PTPRD: variants seen among roughly 807,000 people sequenced by gnomAD.
The protein encoded by PTPRD is protein tyrosine phosphatase receptor type D, also known as receptor-type tyrosine-protein phosphatase delta.
A neutral mutation model predicts 214.5 loss-of-function variants in PTPRD; 34 were observed. That is an observed-to-expected ratio of 0.16 (90% CI 0.12 to 0.21). The LOEUF (loss-of-function observed/expected upper bound fraction) is 0.21. Ranked by LOEUF, PTPRD falls within the 10% of genes least tolerant of loss-of-function variation. The probability of loss-of-function intolerance (pLI) is 1.00; values close to 1 mark genes in which losing one functional copy is unlikely to be tolerated. For missense variants in PTPRD, 2,545 were observed against 2,398.7 expected (o/e 1.06, Z -1.27); for synonymous variants, 1,128 against 845.7 (o/e 1.33, Z -5.79).
At chr9:9,792,734 G>A (rs1435791539) in intron 5 of PTPRD, among the ~76,000 whole-genome samples, 1 of 152,096 alleles carries the variant, frequency 6.6e-6, no homozygotes, top group Non-Finnish European at 1.5e-5. Flanking sequence ...AATGGCCCCA[G>A]TAAATGTTTA....
chr9:8,782,332 A>C (rs2095747837), intron 11 of PTPRD, among the ~76,000 whole-genome samples: 1 of 152,094 alleles, frequency 6.6e-6, no homozygotes, highest in Admixed American at 6.5e-5. Flanking sequence ...AACTGTAGTC[A>C]ACAACTTTTT....
At chr9:9,058,295 G>C (rs1373401416) in intron 10 of PTPRD, among the ~76,000 whole-genome samples, 1 of 152,048 alleles carries the variant, frequency 6.6e-6, no homozygotes, top group Non-Finnish European at 1.5e-5. Context: ...CACAACCCAT[G>C]AAGCATAAAA....
chr9:9,005,844 G>A lies in PTPRD; in HGVS notation c.-104+12853C>T, dbSNP rs116118020. On this transcript the variant is annotated intron_variant, in intron 11 of 45. Coordinates refer to ENST00000381196, the MANE Select transcript of PTPRD (RefSeq NM_002839.4). ...AGACTTATACTCTGATTGTTCAGTG[G>A]CTGGGCTACTATTCTAGACCAGTTA... is the stretch of plus-strand genomic sequence containing the variant. 4.6e-3 allele frequency among the ~76,000 whole-genome samples: 706 copies of A among 152,030 alleles called. 13 individuals are homozygous for A. Among genetic ancestry groups the A allele is most frequent in the African/African-American group, 0.016 (680 of 41,494 alleles).
chr9:8,688,909 T>G (rs2097749326), intron 12 of PTPRD, among the ~76,000 whole-genome samples: 1 of 152,218 alleles, frequency 6.6e-6, no homozygotes, highest in Admixed American at 6.5e-5. Context: ...TAAACATCTA[T>G]GCCTGTATTC....
intron 3 of PTPRD, among the ~76,000 whole-genome samples, chr9:10,123,788 CT>C (rs376757070): frequency 7.9e-5 from 12 of 152,312 alleles, no homozygotes; most frequent in African/African-American, 2.9e-4. Context: ...ATTGCCAGTA[CT>C]GTGTTTTAGT....
chr9:10,557,241 T>G (rs1421985592), intron 2 of PTPRD, among the ~76,000 whole-genome samples: 5 of 152,084 alleles, frequency 3.3e-5, no homozygotes. Context: ...GTTTTCTGCT[T>G]CTCTTTTTCT....
intron 35 of PTPRD, among the ~76,000 whole-genome samples, chr9:8,420,818 T>TAA (rs372270704): frequency 2.6e-4 from 38 of 147,362 alleles, no homozygotes; most frequent in Admixed American, 4.0e-4. Flanking sequence ...TTTTTTTTTT[T>TAA]AAAAAAAGAA....
intron 11 of PTPRD, among the ~76,000 whole-genome samples, chr9:8,738,137 G>T (rs1051829055): frequency 6.6e-6 from 1 of 152,146 alleles, no homozygotes; most frequent in Non-Finnish European, 1.5e-5. Flanking sequence ...CTGTACATGG[G>T]TGGTTGGAGA....
intron 4 of PTPRD, among the ~76,000 whole-genome samples, chr9:9,959,944 G>A (rs997781364): frequency 2.0e-5 from 3 of 152,110 alleles, no homozygotes. Context: ...CTATACATGG[G>A]TTATGATTAA....
chr9:9,847,433 C>T lies in PTPRD; in HGVS notation c.-367-80582G>A, dbSNP rs972955358. On this transcript the variant is annotated intron_variant, in intron 5 of 45. Transcript: ENST00000381196. ...TTATACAATTGATGCTATATTTTTC[C>T]GAGAAATGACTTAAATGACTGATTA... Among the ~76,000 whole-genome samples, 46 of 151,906 alleles carry T rather than the reference C, an allele frequency of 3.0e-4. 1 individual carries two copies. The highest frequency in any genetic ancestry group is 1.9e-4 in the East Asian group (1 of 5,182).
intron 43 of PTPRD, among the ~76,000 whole-genome samples, chr9:8,337,098 G>A (rs967648847): frequency 3.3e-5 from 5 of 152,178 alleles, no homozygotes; most frequent in African/African-American, 1.2e-4. Flanking sequence ...CCATTACTGA[G>A]TGTATACCCA....
intron 31 of PTPRD, among the ~76,000 whole-genome samples, chr9:8,466,444 T>A (rs990876841): frequency 6.6e-6 from 1 of 151,946 alleles, no homozygotes; most frequent in Non-Finnish European, 1.5e-5. Flanking sequence ...AGATGCTTCA[T>A]GTATTTCTAA....
rs1467119647 is a variant in PTPRD at position 10,166,251 on chromosome 9, A to G, written c.-544-132461T>C. ...AAAGGGACTGAAAAATTGAAAAAAA[A>G]AAAAAACAAAACACTCACACTGTGA... On this transcript the variant is annotated intron_variant, in intron 3 of 45. Transcript: ENST00000381196. Among the ~76,000 whole-genome samples, 4 of 150,422 alleles carry G rather than the reference A, an allele frequency of 2.7e-5. No homozygotes were observed. The East Asian group carries it at 7.8e-4, about 29-fold the overall frequency.
intron 36 of PTPRD, among the ~76,000 whole-genome samples, chr9:8,400,171 A>C (rs1366398418): frequency 1.3e-5 from 2 of 152,218 alleles, no homozygotes; most frequent in East Asian, 3.8e-4. Context: ...CAGTACTGGC[A>C]GCAGTGAAGA....
At chr9:9,037,625 T>A (rs324517) in intron 10 of PTPRD, among the ~76,000 whole-genome samples, 2 of 151,946 alleles carry the variant, frequency 1.3e-5, no homozygotes, top group African/African-American at 4.8e-5. Context: ...ACTAAGGGCT[T>A]AAGGTAAAAG....
chr9:9,630,810 T>C (rs10977895), intron 7 of PTPRD, among the ~76,000 whole-genome samples: 21,663 of 152,162 alleles, frequency 0.14, 2,095 homozygotes, highest in African/African-American at 0.27. Flanking sequence ...TAAACTTCTT[T>C]GGGTCAGGAA....
intron 10 of PTPRD, among the ~76,000 whole-genome samples, chr9:9,035,325 C>T (rs1206542816): frequency 6.6e-6 from 1 of 152,122 alleles, no homozygotes; most frequent in South Asian, 2.1e-4. Context: ...AAAGTACCTT[C>T]TCTGTCTTTT....
rs919418829 is a variant in PTPRD, at chr9:10,246,065, G to A, written c.-545+94898C>T. ...CCCAAGAATGTTTTTTTCTTCTCCT[G>A]CTTTTTAAACCCTCTAGCAATCACA... On this transcript the variant is annotated intron_variant, in intron 3 of 45. Coordinates refer to ENST00000381196, the MANE Select transcript of PTPRD (RefSeq NM_002839.4). Among the ~76,000 whole-genome samples, 6 of 151,930 alleles carry A rather than the reference G, an allele frequency of 3.9e-5. No individual in the cohort carries two copies. In the South Asian group the frequency reaches 8.3e-4, roughly 21 times the overall value.
chr9:9,245,319 C>T (rs993467097), intron 9 of PTPRD, among the ~76,000 whole-genome samples: 25 of 152,178 alleles, frequency 1.6e-4, no homozygotes, highest in Admixed American at 6.5e-4. Context: ...CACATGCACA[C>T]GTATGTTTAT....
Sources: gnomAD v4.1 joint callset for allele counts (sites outside exome capture counted in the v4.1 genomes callset) on GRCh38, gnomAD v4.1.1 for gene constraint, MANE v1.5 for transcripts, NCBI Gene and HGNC (gene_info 2026-07-23, HGNC 2026-07-21) for gene names.